TDRD5: variants seen among roughly 807,000 people sequenced by gnomAD.
The protein encoded by TDRD5 is tudor domain-containing protein 5.
A neutral mutation model predicts 120.6 loss-of-function variants in TDRD5; 41 were observed. The ratio of observed to expected loss-of-function variants is 0.34; its 90% CI spans 0.26 to 0.44. The LOEUF (loss-of-function observed/expected upper bound fraction) is 0.44. Ranked by LOEUF, TDRD5 falls within the 20% of genes least tolerant of loss-of-function variation. TDRD5 has a pLI of 1.00. For synonymous variants in TDRD5, 430 were observed against 433.7 expected, an observed-to-expected ratio of 0.99 and a Z score of 0.11; for missense variants, 1,006 against 1,221.2, an observed-to-expected ratio of 0.82 and a Z score of 2.63.
At chr1:179,630,425 A>C (rs1677371027) in intron 6 of TDRD5, among the ~76,000 whole-genome samples, 1 of 152,216 alleles carries the variant, frequency 6.6e-6, no homozygotes, top group African/African-American at 2.4e-5. Flanking sequence ...CAATAGTTTT[A>C]TTACGACTGT....
intron 16 of TDRD5, among the ~76,000 whole-genome samples, chr1:179,668,700 G>A (rs978194615): frequency 2.6e-5 from 4 of 151,170 alleles, no homozygotes; most frequent in African/African-American, 9.7e-5. Context: ...ATGTTCATTA[G>A]GATAGAGAAG....
At chr1:179,622,284 A>G (rs897130154) in intron 6 of TDRD5, among the ~76,000 whole-genome samples, 11 of 152,166 alleles carry the variant, frequency 7.2e-5, no homozygotes, top group Admixed American at 7.2e-4. Context: ...TTTTGGGTTT[A>G]TGTTCAGCCA....
intron 4 of TDRD5, among the ~76,000 whole-genome samples, chr1:179,616,948 T>C (rs985448905): frequency 2.6e-5 from 4 of 152,172 alleles, no homozygotes; most frequent in Admixed American, 1.3e-4. Context: ...ATTATTGTTA[T>C]TGAATCTGCA....
At chr1:179,599,370 C>T (rs781755907) in intron 4 of TDRD5, among the ~76,000 whole-genome samples, 13 of 151,816 alleles carry the variant, frequency 8.6e-5, no homozygotes, top group Non-Finnish European at 1.9e-4. Context: ...AGTTTTTTTC[C>T]ACCTCTTTAT....
chr1:179,676,878 A>G (rs1338743995), intron 17 of TDRD5, among the ~76,000 whole-genome samples: 1 of 152,122 alleles, frequency 6.6e-6, no homozygotes, highest in Non-Finnish European at 1.5e-5. Flanking sequence ...AGCTGCTTGT[A>G]TTTGGATATC....
chr1:179,679,806 G>A (rs941445236), intron 17 of TDRD5, among the ~76,000 whole-genome samples: 2 of 151,600 alleles, frequency 1.3e-5, no homozygotes, highest in Admixed American at 1.3e-4. Context: ...TGATTTTCCT[G>A]TTTATCTGTG....
Position 179,662,086 on chromosome 1 carries a change from T to A in TDRD5, c.2323-18T>A. 6.6e-7 allele frequency: 1 copy of A among 1,516,474 alleles called. No individual in the cohort carries two copies. Among genetic ancestry groups the A allele is most frequent in the South Asian group, 1.4e-5 (1 of 73,970 alleles). The allele number at this position is 1,516,474 out of a possible 1,614,324, so 93.9% of individuals were successfully genotyped here. Reference sequence around the variant, plus strand: ...AACTATAAATGATAGTTTTTCTTTGTCTTCTGTTACATTTTAGGATGAGAT... The same window carrying A: ...AACTATAAATGATAGTTTTTCTTTGACTTCTGTTACATTTTAGGATGAGAT... On this transcript the variant is annotated intron_variant, in intron 14 of 17. Coordinates refer to ENST00000444136, the MANE Select transcript of TDRD5 (RefSeq NM_001199085.3).
chr1:179,593,988 G>T, intron 3 of TDRD5, 121 bp downstream of exon 3: 2 of 1,278,918 alleles, frequency 1.6e-6, no homozygotes, highest in Non-Finnish European at 2.1e-6. Flanking sequence ...AGTGGTCTCA[G>T]GCGAACTGTT....
rs1309991151 is a variant in TDRD5, at chr1:179,593,745, T to C, written c.518T>C (p.Leu173Pro). Residue 173 changes from leucine (L) to proline (P), a missense_variant, in exon 3 of 18, where the codon CTC becomes CCC. This residue lies in a region of TDRD5 where 445 missense variants were observed against 515.5 expected (regional missense o/e 0.86). Coordinates refer to ENST00000444136, the MANE Select transcript of TDRD5 (RefSeq NM_001199085.3). ...TTCCAATACATGCAATATGGATTTC[T>C]CTCTATGTTTGAAGTGCTTAATGCG... The part of the protein sequence containing the change: ...RSFQYMQYGF[L>P]SMFEVLNAAS... The C allele has an allele frequency of 2.5e-6, 4 of 1,614,140 alleles. No homozygotes were observed. The highest frequency in any genetic ancestry group is 3.4e-6 in the Non-Finnish European group (4 of 1,180,050).
chr1:179,618,607 C>T lies in TDRD5; in HGVS notation c.840C>T (p.Asn280=), dbSNP rs1343188794. 5.7e-6 allele frequency: 9 copies of T among 1,585,498 alleles called. No individual in the cohort carries two copies. The Admixed American group carries it at 1.3e-4, about 22-fold the overall frequency. ...NHTEKLNQLE[N]TFKSVIAQIG... is the part of the protein sequence containing the mutation. ...TTTTTCTTTTTTCATAGCTGGAGAA[C>T]ACATTCAAATCAGTTATTGCACAGA... is the stretch of plus-strand genomic sequence containing the variant. Residue 280 remains asparagine (N), a synonymous_variant, in exon 5 of 18, where the codon AAC becomes AAT. Transcript: ENST00000444136.
chr1:179,605,497 G>T (rs1675924625), intron 4 of TDRD5, among the ~76,000 whole-genome samples: 1 of 152,092 alleles, frequency 6.6e-6, no homozygotes, highest in African/African-American at 2.4e-5. Context: ...GGGGGTAGGA[G>T]GGTTTGCTCT....
Position 179,662,251 on chromosome 1 carries a change from A to C in TDRD5, c.2470A>C (p.Asn824His), listed in dbSNP as rs1437067983. 1.2e-6 allele frequency: 2 copies of C among 1,609,498 alleles called. No individual in the cohort carries two copies. Among genetic ancestry groups the C allele is most frequent in the East Asian group, 4.5e-5 (2 of 44,722 alleles). ...ATTTACTGCAAGCCTTGGTGGAAAG[A>C]ATCAGTATTCATCATGTAAAGAAAT... The part of the protein sequence containing the change: ...HLFTASLGGK[N>H]QYSSCKEMPQ... Residue 824 changes from asparagine (N) to histidine (H), a missense_variant, in exon 15 of 18, where the codon AAT (asparagine) becomes CAT (histidine). Physicochemically the swap from Asn to His is moderately conservative, Grantham distance 68. Around this residue, in one of 3 missense-constraint regions of TDRD5, gnomAD observed 403 missense variants for 448.1 expected, o/e 0.90. Coordinates refer to ENST00000444136, the MANE Select transcript of TDRD5 (RefSeq NM_001199085.3).
At chr1:179,619,096 A>G (rs553615069) in intron 5 of TDRD5, among the ~76,000 whole-genome samples, 1 of 152,260 alleles carries the variant, frequency 6.6e-6, no homozygotes, top group Non-Finnish European at 1.5e-5. Flanking sequence ...TGACTGTGGA[A>G]AAAGTTCTCC....
At chr1:179,623,099 C>G (rs1676922950) in intron 6 of TDRD5, among the ~76,000 whole-genome samples, 1 of 152,034 alleles carries the variant, frequency 6.6e-6, no homozygotes, top group Non-Finnish European at 1.5e-5. Context: ...TTAATGTACT[C>G]AAAAGAAAAG....
intron 9 of TDRD5, among the ~76,000 whole-genome samples, chr1:179,638,157 A>ACTC (rs1261691572): frequency 5.3e-5 from 7 of 131,644 alleles, no homozygotes; most frequent in Admixed American, 1.6e-4. Context: ...CCATGGGAAG[A>ACTC]TGTTTTCTCT....
intron 14 of TDRD5, among the ~76,000 whole-genome samples, chr1:179,657,779 T>C (rs1342112030): frequency 6.6e-6 from 1 of 152,216 alleles, no homozygotes; most frequent in African/African-American, 2.4e-5. Context: ...TGTTTCAATA[T>C]ATGTATACAC....
intron 9 of TDRD5, among the ~76,000 whole-genome samples, chr1:179,636,327 T>C (rs1677763300): frequency 6.6e-6 from 1 of 152,320 alleles, no homozygotes; most frequent in East Asian, 1.9e-4. Flanking sequence ...TTTGATAGTA[T>C]GCTAAAACTT....
chr1:179,644,460 C>G (rs1210599045), intron 11 of TDRD5, among the ~76,000 whole-genome samples: 1 of 151,918 alleles, frequency 6.6e-6, no homozygotes, highest in Non-Finnish European at 1.5e-5. Context: ...AATTTTTAAC[C>G]TAATATATAC....
chr1:179,600,216 A>T (rs1179225515), intron 4 of TDRD5, among the ~76,000 whole-genome samples: 1 of 152,166 alleles, frequency 6.6e-6, no homozygotes, highest in Admixed American at 6.5e-5. Context: ...ATAATGTCCT[A>T]GGCCTACACA....
Sources: gnomAD v4.1 joint callset for allele counts (sites outside exome capture counted in the v4.1 genomes callset) on GRCh38, gnomAD v4.1.1 for gene constraint, gnomAD v4.1.1 regional missense constraint, MANE v1.5 for transcripts, NCBI Gene and HGNC (gene_info 2026-07-23, HGNC 2026-07-21) for gene names.